SULT2B1: variants seen among roughly 807,000 people sequenced by gnomAD.
The protein encoded by SULT2B1 is sulfotransferase 2B1.
A neutral mutation model predicts 33.2 loss-of-function variants in SULT2B1; 16 were observed. The ratio of observed to expected loss-of-function variants is 0.48; its 90% CI spans 0.33 to 0.73. The LOEUF (loss-of-function observed/expected upper bound fraction) is 0.73, where lower values mean the gene tolerates loss of function less well. Among genes scored for constraint, SULT2B1 ranks in the 30% least tolerant of loss-of-function variants. SULT2B1 has a pLI of 0.02. For synonymous variants in SULT2B1, 186 were observed against 200.5 expected (o/e 0.93, Z 0.61); for missense variants, 500 against 506.0 (o/e 0.99, Z 0.11).
chr19:48,587,564 T>C, intron 3 of SULT2B1, 127 bp downstream of exon 3: 1 of 1,056,210 alleles, frequency 9.5e-7, no homozygotes, highest in Non-Finnish European at 1.4e-6. Flanking sequence ...TGCCTGACTC[T>C]GATCTAGCAC....
At position 48,596,891 on chromosome 19, in the gene SULT2B1, C is replaced by G; in HGVS notation, c.798C>G (p.Asp266Glu). 6.2e-7 allele frequency: 1 copy of G among 1,603,240 alleles called. No homozygotes were observed. Among genetic ancestry groups the G allele is most frequent in the Non-Finnish European group, 8.5e-7 (1 of 1,178,468 alleles). Residue 266 changes from aspartate to glutamate, a missense_variant, in exon 6 of 7, where the codon GAC becomes GAG. By Grantham distance (45) the Asp-to-Glu change is conservative. Transcript: ENST00000201586. ...CGCTGCTGCCTCCCAGCCTGCTGGA[C>G]CACCGTCGCGGGGCCTTCCTCCGGA... Reference protein sequence around the residue: ...NYTLLPPSLLDHRRGAFLRKG... With the variant: ...NYTLLPPSLLEHRRGAFLRKG...
At chr19:48,587,501 C>T (rs148241595) in intron 3 of SULT2B1, 64 bp downstream of exon 3, 269 of 1,545,084 alleles carry the variant, frequency 1.7e-4, no homozygotes, top group African/African-American at 5.0e-4. Flanking sequence ...AATGGGGGGA[C>T]GGAGCATAAC....
At chr19:48,571,164 G>A (rs931879234) in intron 1 of SULT2B1, among the ~76,000 whole-genome samples, 2 of 151,096 alleles carry the variant, frequency 1.3e-5, no homozygotes, top group South Asian at 2.1e-4. Context: ...GTGACTACAG[G>A]TACAGGCCAC....
Position 48,587,440 on chromosome 19 carries a change from T to G in SULT2B1, c.423+3T>G, listed in dbSNP as rs1361114716. ...CCTTCTTCAGCTCCAAGGCCAAGGT[T>G]GGGAGGAGGGGTGTGTGTCAGTTGG... On this transcript the variant is annotated splice_donor_region_variant and intron_variant, in intron 3 of 6. Transcript: ENST00000201586. 2.5e-6 allele frequency: 4 copies of G among 1,613,840 alleles called. No individual in the cohort carries two copies. Among genetic ancestry groups the G allele is most frequent in the Non-Finnish European group, 3.4e-6 (4 of 1,179,980 alleles).
chr19:48,564,873 C>T (rs1973225538), intron 1 of SULT2B1, among the ~76,000 whole-genome samples: 2 of 152,028 alleles, frequency 1.3e-5, no homozygotes, highest in African/African-American at 4.8e-5. Context: ...TCACTGCAAC[C>T]TCTGCCCCCC....
At chr19:48,575,140 G>A (rs1262899805) in intron 1 of SULT2B1, among the ~76,000 whole-genome samples, 2 of 113,524 alleles carry the variant, frequency 1.8e-5, no homozygotes, top group African/African-American at 3.5e-5. Context: ...ACAGAGTCTC[G>A]CTCTGTCCCC....
intron 2 of SULT2B1, among the ~76,000 whole-genome samples, chr19:48,578,795 G>A (rs975673137): frequency 1.3e-5 from 2 of 151,986 alleles, no homozygotes; most frequent in African/African-American, 4.8e-5. Context: ...AGAATTGCTT[G>A]GAACCGGGGG....
chr19:48,596,685 C>T, intron 5 of SULT2B1, 54 bp from the exon 6 acceptor site: 2 of 1,504,382 alleles, frequency 1.3e-6, no homozygotes, highest in South Asian at 1.3e-5. Context: ...AGGTTCCACG[C>T]TCCTTCCTTG....
At chr19:48,583,635 T>C (rs1012141200) in intron 2 of SULT2B1, among the ~76,000 whole-genome samples, 1 of 151,142 alleles carries the variant, frequency 6.6e-6, no homozygotes, top group Non-Finnish European at 1.5e-5. Context: ...CTGGCCAAAA[T>C]GGCCAAACCC....
chr19:48,559,251 G>A (rs149256732), intron 1 of SULT2B1, among the ~76,000 whole-genome samples: 3 of 152,212 alleles, frequency 2.0e-5, no homozygotes, highest in South Asian at 2.1e-4. Flanking sequence ...TCTTTGGGGT[G>A]GGGGGAGGCA....
intron 2 of SULT2B1, among the ~76,000 whole-genome samples, chr19:48,578,014 C>G (rs1973437480): frequency 6.6e-6 from 1 of 151,624 alleles, no homozygotes; most frequent in Non-Finnish European, 1.5e-5. Context: ...GCCAAGAGTT[C>G]AAGCCCAGCC....
chr19:48,589,883 C>T (rs1290851021), intron 3 of SULT2B1, among the ~76,000 whole-genome samples: 1 of 152,228 alleles, frequency 6.6e-6, no homozygotes, highest in East Asian at 1.9e-4. Context: ...TCACTTGAGC[C>T]TGGGAGTTTC....
In SULT2B1 at chr19:48,591,753, C is replaced by A. The variant is rs367657435; in HGVS notation, c.550+18C>A. ...AGGCGAAGGTGGGGACAGGGTAAAG[C>A]GGGGCAGGAGGGGTGGGGAGGAGCC... On this transcript the variant is annotated intron_variant, in intron 4 of 6. Coordinates refer to ENST00000201586, the MANE Select transcript of SULT2B1 (RefSeq NM_177973.2). The A allele has an allele frequency of 2.2e-4, 343 of 1,526,874 alleles. 3 individuals are homozygous for A. Among genetic ancestry groups the A allele is most frequent in the South Asian group, 1.6e-3 (137 of 84,308 alleles). The allele number at this position is 1,526,874 out of a possible 1,614,324, so 94.6% of individuals were successfully genotyped here. A position where few individuals can be genotyped will look rare whatever the true frequency, so the allele number is the denominator to read the frequency against.
intron 1 of SULT2B1, among the ~76,000 whole-genome samples, chr19:48,560,653 T>C (rs1973163670): frequency 1.3e-5 from 2 of 152,164 alleles, no homozygotes; most frequent in South Asian, 4.1e-4. Context: ...TTTCCACATA[T>C]AGTCAATTTC....
Position 48,599,315 on chromosome 19 carries a change from A to T in SULT2B1, c.1007A>T (p.Asn336Ile). The part of the protein sequence containing the change: ...EPEPKPSLEP[N>I]TSLEREPRPN... Reference sequence around the variant, plus strand: ...GAGCCCAAGCCCAGCCTTGAGCCCAACACCAGCCTGGAGCGTGAGCCCAGA... The same window carrying T: ...GAGCCCAAGCCCAGCCTTGAGCCCATCACCAGCCTGGAGCGTGAGCCCAGA... Residue 336 changes from asparagine to isoleucine, a missense_variant, in exon 7 of 7, where the codon AAC (asparagine) becomes ATC (isoleucine). Coordinates refer to ENST00000201586, the MANE Select transcript of SULT2B1 (RefSeq NM_177973.2). This position sits in a 1 kb window ranked among gnomAD's most constrained non-coding sequence, Gnocchi z 4.1. The T allele has an allele frequency of 6.2e-7, 1 of 1,607,560 alleles. No individual in the cohort carries two copies.
intron 1 of SULT2B1, among the ~76,000 whole-genome samples, chr19:48,569,399 T>TGC (rs1973291061): frequency 7.3e-6 from 1 of 136,654 alleles, no homozygotes; most frequent in Non-Finnish European, 1.6e-5. Flanking sequence ...TATATATATA[T>TGC]GATAAATTTT....
chr19:48,598,589 G>GA lies in SULT2B1; in HGVS notation c.827-538dup, dbSNP rs540933199. ...ACAGAGCGAGACTCCATCTCAAAAA[G>GA]AAAAAAAATGGAAAACTGAGGCTTG... On this transcript the variant is annotated intron_variant, in intron 6 of 6. Transcript: ENST00000201586. 1.5e-4 allele frequency among the ~76,000 whole-genome samples: 23 copies of GA among 151,568 alleles called. No homozygotes were observed. In the South Asian group the frequency reaches 4.4e-3, roughly 29 times the overall value.
chr19:48,564,837 C>T (rs1017747826), intron 1 of SULT2B1, among the ~76,000 whole-genome samples: 2 of 152,064 alleles, frequency 1.3e-5, no homozygotes, highest in Non-Finnish European at 2.9e-5. Flanking sequence ...GTTGCCCAGG[C>T]TACAGTGCAA....
intron 3 of SULT2B1, among the ~76,000 whole-genome samples, chr19:48,589,703 T>G (rs1973618033): frequency 6.6e-6 from 1 of 152,216 alleles, no homozygotes; most frequent in Non-Finnish European, 1.5e-5. Context: ...GGCTCACGCC[T>G]GAAATCCCAG....
Sources: gnomAD v4.1 joint callset for allele counts (sites outside exome capture counted in the v4.1 genomes callset) on GRCh38, gnomAD v4.1.1 for gene constraint, Gnocchi (gnomAD v3.1) non-coding constraint, MANE v1.5 for transcripts, NCBI Gene and HGNC (gene_info 2026-07-23, HGNC 2026-07-21) for gene names.